NELL1: variants seen among roughly 807,000 people sequenced by gnomAD.
The protein encoded by NELL1 is protein kinase C-binding protein NELL1.
NELL1 carries 76 observed loss-of-function variants against 107.4 expected under a neutral mutation model. The observed-to-expected ratio is 0.71, with a 90% CI of 0.59 to 0.86. The LOEUF is 0.86. Among genes scored for constraint, NELL1 ranks in the 40% least tolerant of loss-of-function variants. The probability of loss-of-function intolerance (pLI) is 0.00; values close to 1 mark genes in which losing one functional copy is unlikely to be tolerated. For missense variants in NELL1, 1,024 were observed against 1,005.5 expected, an observed-to-expected ratio of 1.02 and a Z score of -0.25; for synonymous variants, 353 against 341.2, an observed-to-expected ratio of 1.03 and a Z score of -0.38.
intron 16 of NELL1, among the ~76,000 whole-genome samples, chr11:21,554,682 G>C (rs546454557): frequency 6.6e-6 from 1 of 151,890 alleles, no homozygotes; most frequent in Non-Finnish European, 1.5e-5. Context: ...CAAGCATATC[G>C]TTATGTATTT....
intron 12 of NELL1, among the ~76,000 whole-genome samples, chr11:20,997,877 C>G (rs926025994): frequency 2.0e-5 from 3 of 151,890 alleles, no homozygotes; most frequent in African/African-American, 7.3e-5. Context: ...CAGGCTGAAG[C>G]AGGAGAATCA....
At position 20,782,930 on chromosome 11, in the gene NELL1, T is replaced by G. The variant is rs546822717; in HGVS notation, c.185-750T>G. Among the ~76,000 whole-genome samples the G allele has an allele frequency of 3.8e-4, 58 of 152,290 alleles. 1 individual carries two copies. The highest frequency in any genetic ancestry group is 1.4e-3 in the African/African-American group (57 of 41,560). On this transcript the variant is annotated intron_variant, in intron 2 of 19. Transcript: ENST00000357134. ...GCTGATATTGGAGAAAGAAACATTC[T>G]TGTCTAGGAGCAGGATTAGCTGGAA...
chr11:21,530,947 A>C (rs112082199), intron 15 of NELL1, among the ~76,000 whole-genome samples: 4 of 152,064 alleles, frequency 2.6e-5, no homozygotes, highest in African/African-American at 9.6e-5. Context: ...ATTGCTTGGT[A>C]CTCCCACTTC....
intron 15 of NELL1, among the ~76,000 whole-genome samples, chr11:21,384,602 C>T (rs1283033339): frequency 6.6e-6 from 1 of 151,978 alleles, no homozygotes; most frequent in African/African-American, 2.4e-5. Context: ...CCGCCTCTCC[C>T]CACCCCACAA....
intron 10 of NELL1, among the ~76,000 whole-genome samples, chr11:20,940,796 A>G (rs1167622765): frequency 2.0e-5 from 3 of 152,216 alleles, no homozygotes; most frequent in Non-Finnish European, 2.9e-5. Flanking sequence ...GCATCTTTGG[A>G]GACCAGCTGT....
At chr11:21,291,801 G>A (rs1849269207) in intron 14 of NELL1, among the ~76,000 whole-genome samples, 1 of 151,906 alleles carries the variant, frequency 6.6e-6, no homozygotes, top group African/African-American at 2.4e-5. Context: ...TAACCCATCA[G>A]ATAAACAGAA....
chr11:20,909,279 T>C lies in NELL1; in HGVS notation c.604-8903T>C, dbSNP rs147813069. On this transcript the variant is annotated intron_variant, in intron 5 of 19. Transcript: ENST00000357134. ...GGTTGCATAACACTGTGAATGTATT[T>C]AATGCCACTGAATTGTGCACTTAAA... Among the ~76,000 whole-genome samples the C allele has an allele frequency of 4.4e-3, 675 of 152,288 alleles. 3 individuals carry two copies. The highest frequency in any genetic ancestry group is 0.015 in the African/African-American group (644 of 41,558).
chr11:20,709,687 C>A (rs1268608059), intron 2 of NELL1, among the ~76,000 whole-genome samples: 19 of 152,142 alleles, frequency 1.2e-4, no homozygotes, highest in Admixed American at 1.2e-3. Flanking sequence ...GGATGTATTT[C>A]CACTTGTTTG....
intron 3 of NELL1, among the ~76,000 whole-genome samples, chr11:20,786,455 G>C (rs1205058380): frequency 6.6e-6 from 1 of 151,996 alleles, no homozygotes; most frequent in Non-Finnish European, 1.5e-5. Context: ...TACCACTAGG[G>C]AATATATCTG....
intron 13 of NELL1, among the ~76,000 whole-genome samples, chr11:21,114,928 C>T (rs192026206): frequency 4.9e-4 from 74 of 152,072 alleles, no homozygotes; most frequent in Admixed American, 3.9e-3. Context: ...TGGCTCTTAA[C>T]GTCTTTTAAC....
chr11:20,698,828 T>C (rs1396649747), intron 2 of NELL1, among the ~76,000 whole-genome samples: 1 of 152,140 alleles, frequency 6.6e-6, no homozygotes, highest in Non-Finnish European at 1.5e-5. Flanking sequence ...CGAAGTCCAT[T>C]ATATTATTCT....
At chr11:21,166,494 T>C (rs1407661537) in intron 13 of NELL1, among the ~76,000 whole-genome samples, 3 of 151,866 alleles carry the variant, frequency 2.0e-5, no homozygotes, top group African/African-American at 7.3e-5. Flanking sequence ...TAAATGCTTG[T>C]CATGATGGAT....
intron 13 of NELL1, among the ~76,000 whole-genome samples, chr11:21,189,976 A>G (rs1857015428): frequency 6.6e-6 from 1 of 151,894 alleles, no homozygotes; most frequent in Admixed American, 6.6e-5. Context: ...GAACAAGACA[A>G]CAAACAGGTC....
chr11:20,738,177 G>A (rs893733064), intron 2 of NELL1, among the ~76,000 whole-genome samples: 9 of 152,222 alleles, frequency 5.9e-5, no homozygotes, highest in Admixed American at 5.9e-4. Context: ...AGCTGTGCAC[G>A]TGTGTTTTCC....
chr11:21,112,500 T>C (rs1199579313), intron 12 of NELL1, among the ~76,000 whole-genome samples: 1 of 152,002 alleles, frequency 6.6e-6, no homozygotes, highest in African/African-American at 2.4e-5. Flanking sequence ...AGTAAATAAC[T>C]TCTGAATTCA....
intron 15 of NELL1, among the ~76,000 whole-genome samples, chr11:21,431,918 G>C (rs1852976151): frequency 6.6e-6 from 1 of 152,092 alleles, no homozygotes; most frequent in Admixed American, 6.6e-5. Flanking sequence ...ATCTTTACTA[G>C]CTGGATGTGT....
At chr11:21,213,973 T>C (rs573646471) in intron 13 of NELL1, among the ~76,000 whole-genome samples, 1 of 152,160 alleles carries the variant, frequency 6.6e-6, no homozygotes, top group African/African-American at 2.4e-5. Context: ...AAATGATTAA[T>C]TCATTGTCAT....
At chr11:21,364,541 C>A (rs1056147002) in intron 14 of NELL1, among the ~76,000 whole-genome samples, 2 of 151,342 alleles carry the variant, frequency 1.3e-5, no homozygotes, top group Non-Finnish European at 2.9e-5. Flanking sequence ...GTCATTGGAT[C>A]GTAGCCGCAC....
intron 14 of NELL1, among the ~76,000 whole-genome samples, chr11:21,311,438 C>CCCAAA (rs1412749703): frequency 4.6e-5 from 7 of 152,208 alleles, no homozygotes; most frequent in South Asian, 2.1e-4. Context: ...GCTTTGAAGG[C>CCCAAA]ATATGTATTT....
Sources: allele counts gnomAD v4.1 joint callset (sites outside exome capture counted in the v4.1 genomes callset), GRCh38; gene constraint gnomAD v4.1.1; transcripts MANE v1.5; gene names NCBI Gene and HGNC (gene_info 2026-07-23, HGNC 2026-07-21).